ANKRD28: variants seen among roughly 807,000 people sequenced by gnomAD.
ANKRD28 encodes serine/threonine-protein phosphatase 6 regulatory ankyrin repeat subunit A.
A neutral mutation model predicts 126.5 loss-of-function variants in ANKRD28; 44 were observed. The observed-to-expected ratio is 0.35, with a 90% CI of 0.27 to 0.45. The LOEUF is 0.45. Among genes scored for constraint, ANKRD28 ranks in the 20% least tolerant of loss-of-function variants. The pLI is 1.00. For synonymous variants in ANKRD28, 442 were observed against 468.5 expected, an observed-to-expected ratio of 0.94 and a Z score of 0.73; for missense variants, 1,110 against 1,316.6, an observed-to-expected ratio of 0.84 and a Z score of 2.43.
At chr3:15,763,360 G>A (rs2058588273) in intron 3 of ANKRD28, among the ~76,000 whole-genome samples, 2 of 152,158 alleles carry the variant, frequency 1.3e-5, no homozygotes, top group Admixed American at 1.3e-4. Flanking sequence ...ACAAATTTCT[G>A]AAAAGGAGAC....
Position 15,838,909 on chromosome 3 carries a change from C to T in ANKRD28, c.27+20468G>A, listed in dbSNP as rs1157580900. Reference sequence around the variant, plus strand: ...ATAAACAATATGTGATATATCCATACAATGGAATACTATTCAGCAACGAAG... The same window carrying T: ...ATAAACAATATGTGATATATCCATATAATGGAATACTATTCAGCAACGAAG... On this transcript the variant is annotated intron_variant, in intron 1 of 27. Coordinates refer to the ANKRD28 transcript ENST00000399451. This position sits in a 1 kb window ranked among gnomAD's most constrained non-coding sequence, Gnocchi z 4.0. Among the ~76,000 whole-genome samples the T allele has an allele frequency of 6.6e-6, 1 of 151,980 alleles. No homozygotes were observed. The highest frequency in any genetic ancestry group is 1.5e-5 in the Non-Finnish European group (1 of 68,030).
At chr3:15,681,522 G>A (rs1253277218) in intron 21 of ANKRD28, among the ~76,000 whole-genome samples, 1 of 151,958 alleles carries the variant, frequency 6.6e-6, no homozygotes, top group Non-Finnish European at 1.5e-5. Flanking sequence ...TAGTCATTTG[G>A]GATCTACTTT....
intron 24 of ANKRD28, 82 bp downstream of exon 24, chr3:15,678,127 G>T: frequency 7.5e-7 from 1 of 1,333,478 alleles, no homozygotes; most frequent in Non-Finnish European, 1.0e-6. Context: ...ATAACTAGTT[G>T]AAGTCAGAAG....
chr3:15,767,661 G>A (rs1001242383), intron 2 of ANKRD28, among the ~76,000 whole-genome samples: 16 of 130,324 alleles, frequency 1.2e-4, no homozygotes, highest in African/African-American at 1.8e-4. Flanking sequence ...TCAGGAGATC[G>A]AGACCATCCT....
chr3:15,824,654 C>G (rs2061020065), intron 1 of ANKRD28, among the ~76,000 whole-genome samples: 1 of 152,178 alleles, frequency 6.6e-6, no homozygotes, highest in African/African-American at 2.4e-5. Context: ...AGTTTGATGA[C>G]TAAGAAGGCC....
chr3:15,695,170 G>A lies in ANKRD28; in HGVS notation c.1686+18C>T. The stretch of plus-strand genomic sequence containing the variant: ...CTGACCAATACTAATTGGTGGGAGG[G>A]AATTGACTAATACTTACAACATCTA... On this transcript the variant is annotated intron_variant, in intron 16 of 27. Transcript: ENST00000683139. 2 of 1,584,796 alleles carry A rather than the reference G, an allele frequency of 1.3e-6. No individual in the cohort carries two copies. Among genetic ancestry groups the A allele is most frequent in the Non-Finnish European group, 1.7e-6 (2 of 1,158,380 alleles).
chr3:15,686,515 A>G, intron 18 of ANKRD28: 1 of 576,432 alleles, frequency 1.7e-6, no homozygotes, highest in East Asian at 3.0e-5. Context: ...ACAGTAAAAC[A>G]TGACAGGCAG....
intron 6 of ANKRD28, among the ~76,000 whole-genome samples, chr3:15,734,177 A>G (rs1397801554): frequency 2.6e-5 from 4 of 152,250 alleles, no homozygotes; most frequent in Non-Finnish European, 5.9e-5. Flanking sequence ...GGACTTCCAT[A>G]TGCAAGGATT....
intron 3 of ANKRD28, among the ~76,000 whole-genome samples, chr3:15,755,794 A>G (rs533938916): frequency 2.0e-5 from 3 of 152,358 alleles, no homozygotes; most frequent in African/African-American, 7.2e-5. Context: ...GATGACCTTA[A>G]GTAACCAACA....
intron 8 of ANKRD28, among the ~76,000 whole-genome samples, chr3:15,716,281 CTTT>C (rs373633047): frequency 1.1e-4 from 13 of 113,662 alleles, no homozygotes; most frequent in Middle Eastern, 5.7e-3. Context: ...CGCACCTGGA[CTTT>C]TTTTTTTTTT....
chr3:15,796,782 C>T lies in ANKRD28; in HGVS notation c.-261G>A. ...CTGCAATACTTAAGAAGAAATTTCA[C>T]ACCAACATGTCAATAACTAAAACTG... On this transcript the variant is annotated 5_prime_UTR_variant, in exon 1 of 28. The change creates a new upstream start codon in the 5' untranslated region. Coordinates refer to ENST00000683139, the MANE Select transcript of ANKRD28 (RefSeq NM_001349278.2). 2 of 991,414 alleles carry T rather than the reference C, an allele frequency of 2.0e-6. No individual in the cohort carries two copies. Among genetic ancestry groups the T allele is most frequent in the Non-Finnish European group, 2.4e-6 (2 of 833,296 alleles). 61.4% of individuals were successfully genotyped at this position (991,414 alleles called of 1,614,324 possible).
At chr3:15,859,513 C>G (rs2061859108) in exon 1 of ANKRD28, 7 of 1,076,234 alleles carry the variant, frequency 6.5e-6, no homozygotes, top group Non-Finnish European at 8.9e-6. Context: ...TGCCCGGGAC[C>G]AGCGGGTCCG....
chr3:15,788,550 T>C lies in ANKRD28; in HGVS notation c.201+6673A>G, dbSNP rs13075828. Among the ~76,000 whole-genome samples, 1,179 of 152,268 alleles carry C rather than the reference T, an allele frequency of 7.7e-3. 11 individuals carry two copies. The highest frequency in any genetic ancestry group is 0.012 in the Non-Finnish European group (801 of 68,002). On this transcript the variant is annotated intron_variant, in intron 2 of 27. Coordinates refer to ENST00000683139, the MANE Select transcript of ANKRD28 (RefSeq NM_001349278.2). ...AGTAATACAAAATGGCTTATGCCTA[T>C]GTCTGTCTCAAAAGTAAAGTTCTAC... is the stretch of plus-strand genomic sequence containing the variant.
Position 15,670,478 on chromosome 3 carries a change from G to A in ANKRD28, c.3044C>T (p.Pro1015Leu), listed in dbSNP as rs1275383974. The change falls in exon 28 of 28, where the codon CCT becomes CTT. Residue 1015 changes from proline to leucine, a missense_variant. Pro to Leu is a moderately conservative substitution (Grantham distance 98). Transcript: ENST00000683139. ...CLALILATMM[P>L]VSSSSPLSSL... The stretch of plus-strand genomic sequence containing the variant: ...TGATAAAGGACTACTTGATGAGACA[G>A]GCATCATGGTGGCCAAAATGAGAGC... The A allele has an allele frequency of 6.2e-7, 1 of 1,613,976 alleles. No individual in the cohort carries two copies. The highest frequency in any genetic ancestry group is 8.5e-7 in the Non-Finnish European group (1 of 1,179,870).
At chr3:15,842,200 T>C (rs945637780) in intron 1 of ANKRD28, among the ~76,000 whole-genome samples, 2 of 151,884 alleles carry the variant, frequency 1.3e-5, no homozygotes, top group Non-Finnish European at 2.9e-5. Context: ...GAATATATGG[T>C]CCATACACAC....
rs146348994 is a variant in ANKRD28, at chr3:15,775,811, C to A, written c.202-9499G>T. Among the ~76,000 whole-genome samples the A allele has an allele frequency of 3.5e-3, 537 of 152,292 alleles. 6 individuals carry two copies. Among genetic ancestry groups the A allele is most frequent in the African/African-American group, 0.012 (518 of 41,552 alleles). The stretch of plus-strand genomic sequence containing the variant: ...GTTCAGCTACTGGAAAATCCCTGAA[C>A]CCAGTCCTTTTGGGCTTTTATAGAG... On this transcript the variant is annotated intron_variant, in intron 2 of 27. Coordinates refer to ENST00000683139, the MANE Select transcript of ANKRD28 (RefSeq NM_001349278.2).
intron 14 of ANKRD28, among the ~76,000 whole-genome samples, chr3:15,702,133 C>G (rs561110769): frequency 4.1e-4 from 63 of 152,300 alleles, no homozygotes; most frequent in Non-Finnish European, 7.4e-4. Flanking sequence ...AAAAAGATTA[C>G]TGACACTAAG....
chr3:15,683,193 AT>A (rs1265397470), intron 21 of ANKRD28, among the ~76,000 whole-genome samples: 1 of 152,082 alleles, frequency 6.6e-6, no homozygotes, highest in Admixed American at 6.5e-5. Flanking sequence ...TCAGGGATAT[AT>A]TTTTTTAAAA....
At chr3:15,755,787 G>A (rs768421882) in intron 3 of ANKRD28, among the ~76,000 whole-genome samples, 1 of 152,186 alleles carries the variant, frequency 6.6e-6, no homozygotes, top group Non-Finnish European at 1.5e-5. Flanking sequence ...TTATAAGGAT[G>A]ACCTTAAGTA....
Sources: gnomAD v4.1 joint callset for allele counts (sites outside exome capture counted in the v4.1 genomes callset) on GRCh38, gnomAD v4.1.1 for gene constraint, Gnocchi (gnomAD v3.1) non-coding constraint, MANE v1.5 for transcripts, NCBI Gene and HGNC (gene_info 2026-07-23, HGNC 2026-07-21) for gene names.